Variants in KCNH8 observed in about 807,000 individuals in gnomAD.
KCNH8 encodes the protein potassium voltage-gated channel subfamily H member 8, also known as voltage-gated delayed rectifier potassium channel KCNH8.
KCNH8 carries 70 observed loss-of-function variants against 103.6 expected under a neutral mutation model. That is an observed-to-expected ratio of 0.68 (90% CI 0.56 to 0.82). KCNH8 has a LOEUF of 0.82. Among genes scored for constraint, KCNH8 ranks in the 40% least tolerant of loss-of-function variants. KCNH8 has a pLI of 0.00. For missense variants in KCNH8, 1,217 were observed against 1,329.9 expected (o/e 0.92, Z 1.32); for synonymous variants, 498 against 489.4 (o/e 1.02, Z -0.23).
intron 11 of KCNH8, among the ~76,000 whole-genome samples, chr3:19,501,003 G>C (rs942964601): frequency 6.6e-6 from 1 of 151,518 alleles, no homozygotes; most frequent in African/African-American, 2.4e-5. Flanking sequence ...TTTTTTGAAA[G>C]GATCAACAAA....
At chr3:19,325,560 C>T (rs1280571457) in intron 3 of KCNH8, among the ~76,000 whole-genome samples, 3 of 152,126 alleles carry the variant, frequency 2.0e-5, no homozygotes, top group African/African-American at 4.8e-5. Context: ...AGAAGACATA[C>T]ATGTTGCCAA....
chr3:19,153,867 C>T (rs535727406), intron 1 of KCNH8, among the ~76,000 whole-genome samples: 6 of 152,022 alleles, frequency 3.9e-5, no homozygotes, highest in South Asian at 4.2e-4. Flanking sequence ...CTCATGACCT[C>T]GTGATCCACC....
rs192375357 is a variant in KCNH8 at position 19,453,256 on chromosome 3, C to T, written c.1825+1852C>T. Among the ~76,000 whole-genome samples the T allele has an allele frequency of 8.5e-4, 129 of 152,188 alleles. 2 individuals carry two copies. Among genetic ancestry groups the T allele is most frequent in the Admixed American group, 3.9e-3 (60 of 15,258 alleles). ...TGAAAATAAATTAATATACAATGTA[C>T]ACCATTCAAGTGATGGTTACACTGA... On this transcript the variant is annotated intron_variant, in intron 10 of 15. Coordinates refer to ENST00000328405, the MANE Select transcript of KCNH8 (RefSeq NM_144633.3).
At chr3:19,320,760 ATTC>A (rs1347730633) in intron 3 of KCNH8, among the ~76,000 whole-genome samples, 39 of 151,724 alleles carry the variant, frequency 2.6e-4, no homozygotes, top group Non-Finnish European at 5.3e-4. Flanking sequence ...ATTGGTACCA[ATTC>A]TTCTTTGAAT....
intron 5 of KCNH8, among the ~76,000 whole-genome samples, chr3:19,369,935 T>A (rs1177066053): frequency 1.3e-5 from 2 of 152,078 alleles, no homozygotes; most frequent in East Asian, 3.9e-4. Flanking sequence ...CTACCTAGTC[T>A]TGGGATTTAT....
At chr3:19,181,341 A>G (rs1221885684) in intron 1 of KCNH8, among the ~76,000 whole-genome samples, 1 of 152,190 alleles carries the variant, frequency 6.6e-6, no homozygotes, top group Non-Finnish European at 1.5e-5. Flanking sequence ...AAAATGGAAT[A>G]AAATTAAAGA....
intron 6 of KCNH8, among the ~76,000 whole-genome samples, chr3:19,393,770 CAGCT>C (rs1215021127): frequency 3.9e-5 from 6 of 151,994 alleles, no homozygotes; most frequent in African/African-American, 1.4e-4. Flanking sequence ...TAAAAGAGCA[CAGCT>C]AGCTGTCAAG....
chr3:19,347,021 T>A (rs538923933), intron 4 of KCNH8, among the ~76,000 whole-genome samples: 1 of 152,210 alleles, frequency 6.6e-6, no homozygotes, highest in East Asian at 1.9e-4. Flanking sequence ...ACAGTGAACA[T>A]TGGCTTTCTC....
intron 1 of KCNH8, among the ~76,000 whole-genome samples, chr3:19,220,488 C>T (rs1018193745): frequency 6.6e-6 from 1 of 152,162 alleles, no homozygotes; most frequent in African/African-American, 2.4e-5. Context: ...AAGGGTGTTT[C>T]TGATGTGCCC....
chr3:19,314,535 A>C (rs1436600116), intron 3 of KCNH8, among the ~76,000 whole-genome samples: 1 of 152,024 alleles, frequency 6.6e-6, no homozygotes, highest in Non-Finnish European at 1.5e-5. Flanking sequence ...ATGACATTGC[A>C]GTCTGGCCTG....
At chr3:19,469,667 CA>C (rs1181702494) in intron 11 of KCNH8, among the ~76,000 whole-genome samples, 1 of 152,060 alleles carries the variant, frequency 6.6e-6, no homozygotes, top group Admixed American at 6.6e-5. Flanking sequence ...TTGTGGCAAA[CA>C]TAGTATCTTG....
At chr3:19,311,387 C>T (rs1343819403) in intron 3 of KCNH8, among the ~76,000 whole-genome samples, 2 of 151,646 alleles carry the variant, frequency 1.3e-5, no homozygotes, top group African/African-American at 2.4e-5. Flanking sequence ...GGAGTGACAA[C>T]TTGAACCTGT....
intron 3 of KCNH8, among the ~76,000 whole-genome samples, chr3:19,323,743 A>T (rs948280102): frequency 1.3e-5 from 2 of 152,052 alleles, no homozygotes; most frequent in Non-Finnish European, 2.9e-5. Context: ...GGGCTTCCTG[A>T]GATCCGAACT....
intron 2 of KCNH8, among the ~76,000 whole-genome samples, chr3:19,272,099 G>T (rs1214273420): frequency 1.3e-5 from 2 of 151,976 alleles, no homozygotes; most frequent in African/African-American, 4.8e-5. Context: ...TTGAATGAAC[G>T]TAATTCCTTT....
intron 3 of KCNH8, among the ~76,000 whole-genome samples, chr3:19,302,376 C>T (rs2065074015): frequency 6.6e-6 from 1 of 152,132 alleles, no homozygotes. Flanking sequence ...AAATATCACA[C>T]ATCCATTTTT....
chr3:19,173,087 A>G (rs77643834), intron 1 of KCNH8, among the ~76,000 whole-genome samples: 2,082 of 152,326 alleles, frequency 0.014, 18 homozygotes, highest in Middle Eastern at 0.034. Context: ...GAATTGCCTA[A>G]TAAGTTTTTG....
At chr3:19,282,201 A>G (rs1418908581) in intron 3 of KCNH8, among the ~76,000 whole-genome samples, 2 of 152,148 alleles carry the variant, frequency 1.3e-5, no homozygotes, top group Non-Finnish European at 2.9e-5. Context: ...GACAACCCAA[A>G]TGAACAGATA....
At chr3:19,423,773 C>T (rs1350126023) in intron 7 of KCNH8, among the ~76,000 whole-genome samples, 1 of 152,012 alleles carries the variant, frequency 6.6e-6, no homozygotes, top group Non-Finnish European at 1.5e-5. Context: ...CGTATAATGA[C>T]TTCTTTTCCT....
chr3:19,316,518 T>C (rs183387543), intron 3 of KCNH8, among the ~76,000 whole-genome samples: 1 of 152,134 alleles, frequency 6.6e-6, no homozygotes, highest in Admixed American at 6.6e-5. Context: ...TTTAGTATTT[T>C]TGAGTGGTGC....
Sources: gnomAD v4.1 joint callset for allele counts (sites outside exome capture counted in the v4.1 genomes callset) on GRCh38, gnomAD v4.1.1 for gene constraint, MANE v1.5 for transcripts, NCBI Gene and HGNC (gene_info 2026-07-23, HGNC 2026-07-21) for gene names.